EXOC2: variants seen among roughly 807,000 people sequenced by gnomAD.
EXOC2 encodes the protein exocyst complex component 2.
In EXOC2, 70 loss-of-function variants were observed where a neutral mutation model predicts 131.8. That is an observed-to-expected ratio of 0.53 (90% CI 0.44 to 0.65). EXOC2 has a LOEUF of 0.65. Among genes scored for constraint, EXOC2 ranks in the 30% least tolerant of loss-of-function variants. The pLI is 0.00. For missense variants in EXOC2, 923 were observed against 1,108.6 expected (o/e 0.83, Z 2.38); for synonymous variants, 411 against 398.4 (o/e 1.03, Z -0.38).
chr6:579,706 G>A (rs1758779087), intron 11 of EXOC2, among the ~76,000 whole-genome samples: 1 of 151,848 alleles, frequency 6.6e-6, no homozygotes. Flanking sequence ...GTTTTGAAGA[G>A]AAAAGCAACA....
At chr6:564,469 C>T in intron 15 of EXOC2, 76 bp downstream of exon 15, 1 of 1,560,888 alleles carries the variant, frequency 6.4e-7, no homozygotes, top group Non-Finnish European at 8.7e-7. Context: ...TTCTTCTTCA[C>T]TGAATGTATT....
At chr6:627,613 C>G (rs373589002) in intron 4 of EXOC2, among the ~76,000 whole-genome samples, 17 of 152,224 alleles carry the variant, frequency 1.1e-4, no homozygotes, top group African/African-American at 4.1e-4. Flanking sequence ...GAGGATACCA[C>G]TGGCTCCTCC....
intron 25 of EXOC2, among the ~76,000 whole-genome samples, chr6:494,440 CG>C (rs1202761021): frequency 2.7e-5 from 2 of 74,590 alleles, no homozygotes; most frequent in Non-Finnish European, 8.6e-5. Flanking sequence ...TATTTGCACC[CG>C]TTTTTTTTTT....
chr6:528,480 T>C (rs1765880151), intron 23 of EXOC2, among the ~76,000 whole-genome samples: 1 of 152,222 alleles, frequency 6.6e-6, no homozygotes, highest in South Asian at 2.1e-4. Context: ...GAGGTTCAGT[T>C]AGTAATCATG....
intron 7 of EXOC2, among the ~76,000 whole-genome samples, chr6:600,533 T>C (rs1308750524): frequency 6.6e-6 from 1 of 152,182 alleles, no homozygotes; most frequent in Admixed American, 6.5e-5. Flanking sequence ...ATTACTTATA[T>C]GTTAGGTTTG....
At chr6:515,898 T>C (rs1484127848) in intron 23 of EXOC2, among the ~76,000 whole-genome samples, 1 of 152,242 alleles carries the variant, frequency 6.6e-6, no homozygotes, top group Non-Finnish European at 1.5e-5. Context: ...TTAGGTTCAC[T>C]GTTGTGATTT....
chr6:611,432 T>C (rs568620733), intron 6 of EXOC2, among the ~76,000 whole-genome samples: 2 of 152,320 alleles, frequency 1.3e-5, no homozygotes, highest in South Asian at 4.1e-4. Context: ...AAGTCAAAAT[T>C]AGCATTAAAG....
chr6:520,889 A>T (rs1340885805), intron 23 of EXOC2, among the ~76,000 whole-genome samples: 19 of 139,298 alleles, frequency 1.4e-4, no homozygotes, highest in African/African-American at 5.3e-4. Context: ...CCGAGCGCCA[A>T]CACTCACCGT....
chr6:656,386 C>T (rs1194299038), intron 1 of EXOC2: 4 of 1,614,234 alleles, frequency 2.5e-6, no homozygotes, highest in Non-Finnish European at 3.4e-6. Flanking sequence ...GTCATCCTGC[C>T]ACTGAGGTTT....
chr6:579,253 T>C (rs538960057), intron 11 of EXOC2, among the ~76,000 whole-genome samples: 1 of 152,354 alleles, frequency 6.6e-6, no homozygotes, highest in South Asian at 2.1e-4. Context: ...ATTAAACCAT[T>C]TGTATAGTTT....
chr6:499,193 A>G (rs1705076926), intron 24 of EXOC2, among the ~76,000 whole-genome samples: 1 of 152,144 alleles, frequency 6.6e-6, no homozygotes, highest in African/African-American at 2.4e-5. Flanking sequence ...GCCTGCCCCG[A>G]GTCTCTTTCT....
intron 23 of EXOC2, among the ~76,000 whole-genome samples, chr6:503,578 C>T (rs1323198262): frequency 6.6e-6 from 1 of 152,080 alleles, no homozygotes; most frequent in Non-Finnish European, 1.5e-5. Context: ...TACTATGAAC[C>T]CACAAAAACT....
At position 629,166 on chromosome 6, in the gene EXOC2, T is replaced by C. The variant is rs548286920; in HGVS notation, c.422+669A>G. Among the ~76,000 whole-genome samples the C allele has an allele frequency of 6.6e-5, 10 of 152,376 alleles. 1 individual carries two copies. The East Asian group carries it at 1.2e-3, about 18-fold the overall frequency. On this transcript the variant is annotated intron_variant, in intron 4 of 27. Coordinates refer to ENST00000230449, the MANE Select transcript of EXOC2 (RefSeq NM_018303.6). Reference sequence around the variant, plus strand: ...ATTAACAGTGCTAATTTGTCACTTTTGGTAAGAGTTTACAGAGCAATACTC... The same window carrying C: ...ATTAACAGTGCTAATTTGTCACTTTCGGTAAGAGTTTACAGAGCAATACTC...
At chr6:512,507 GTT>G (rs1433027485) in intron 23 of EXOC2, among the ~76,000 whole-genome samples, 52 of 152,344 alleles carry the variant, frequency 3.4e-4, no homozygotes, top group African/African-American at 1.1e-3. Context: ...GTAACAGACT[GTT>G]TATGTTATTA....
At chr6:642,417 T>C (rs1216159295) in intron 1 of EXOC2, among the ~76,000 whole-genome samples, 1 of 152,160 alleles carries the variant, frequency 6.6e-6, no homozygotes, top group African/African-American at 2.4e-5. Context: ...GCTGCTTGCT[T>C]GGTGTGTGGG....
chr6:611,537 G>C (rs1760715679), intron 6 of EXOC2, among the ~76,000 whole-genome samples: 1 of 152,212 alleles, frequency 6.6e-6, no homozygotes, highest in African/African-American at 2.4e-5. Flanking sequence ...TCAGTTTACA[G>C]CCCTTTTTGC....
At chr6:686,452 G>A (rs761738310) in intron 1 of EXOC2, among the ~76,000 whole-genome samples, 61 of 152,144 alleles carry the variant, frequency 4.0e-4, no homozygotes, top group Middle Eastern at 3.4e-3. Flanking sequence ...TTTAGGAATG[G>A]GAATAAAGGC....
At chr6:559,285 T>C (rs562984394) in intron 17 of EXOC2, among the ~76,000 whole-genome samples, 1 of 152,344 alleles carries the variant, frequency 6.6e-6, no homozygotes, top group South Asian at 2.1e-4. Context: ...ACAGTCATAG[T>C]GAGGCAGTGC....
chr6:490,014 T>C (rs891936173), intron 26 of EXOC2, among the ~76,000 whole-genome samples: 9 of 152,226 alleles, frequency 5.9e-5, no homozygotes, highest in Non-Finnish European at 1.2e-4. Context: ...GCGGCCTCTT[T>C]CCTGGTGTGG....
Sources: allele counts gnomAD v4.1 joint callset (sites outside exome capture counted in the v4.1 genomes callset), GRCh38; gene constraint gnomAD v4.1.1; transcripts MANE v1.5; gene names NCBI Gene and HGNC (gene_info 2026-07-23, HGNC 2026-07-21).